Variants in MAF observed in about 807,000 individuals in gnomAD.
MAF encodes MAF bZIP transcription factor, also known as transcription factor Maf.
In MAF, 10 loss-of-function variants were observed where a neutral mutation model predicts 22.0. That is an observed-to-expected ratio of 0.45 (90% CI 0.28 to 0.77). The LOEUF is 0.77. MAF is among the 30% of genes least tolerant of loss of function. The pLI is 0.12. For missense variants in MAF, 544 were observed against 548.4 expected, an observed-to-expected ratio of 0.99 and a Z score of 0.08; for synonymous variants, 337 against 255.8, an observed-to-expected ratio of 1.32 and a Z score of -3.03.
chr16:79,565,982 G>C, the MAF span, among the ~76,000 whole-genome samples: 1 of 152,134 alleles, frequency 6.6e-6, no homozygotes, highest in Non-Finnish European at 1.5e-5. Context: ...GCAGACTCTA[G>C]GCCATGCACA....
chr16:79,211,195 A>G, the MAF span, among the ~76,000 whole-genome samples: 1 of 152,168 alleles, frequency 6.6e-6, no homozygotes, highest in Non-Finnish European at 1.5e-5. Flanking sequence ...GGTTTGTCAG[A>G]CAGAAGGTTC....
chr16:79,306,086 C>T, the MAF span, among the ~76,000 whole-genome samples: 1 of 152,142 alleles, frequency 6.6e-6, no homozygotes. Context: ...CCAAAGGAGG[C>T]TGGAAAAGGT....
the MAF span, among the ~76,000 whole-genome samples, chr16:79,279,357 G>A: frequency 1.3e-5 from 2 of 152,186 alleles, no homozygotes; most frequent in Non-Finnish European, 2.9e-5. Context: ...GAGAAAATGG[G>A]GCTGAAAGTT....
the MAF span, chr16:79,206,668 C>T: frequency 1.3e-5 from 2 of 152,096 alleles, no homozygotes; most frequent in African/African-American, 4.8e-5. Context: ...CATCTCTGTT[C>T]TCGTCTGCTG....
the MAF span, among the ~76,000 whole-genome samples, chr16:79,264,959 G>C: frequency 6.6e-6 from 1 of 152,156 alleles, no homozygotes; most frequent in Non-Finnish European, 1.5e-5. Flanking sequence ...AAGGGAAGCT[G>C]TGGGAACCAG....
At chr16:79,458,371 G>C in the MAF span, among the ~76,000 whole-genome samples, 1 of 152,158 alleles carries the variant, frequency 6.6e-6, no homozygotes, top group African/African-American at 2.4e-5. Flanking sequence ...ACCAACAGAA[G>C]ACTACTTTGC....
chr16:79,265,898 T>G, the MAF span, among the ~76,000 whole-genome samples: 1 of 152,220 alleles, frequency 6.6e-6, no homozygotes, highest in Non-Finnish European at 1.5e-5. Context: ...AGCTGATGAC[T>G]GAGATGGCTG....
chr16:79,431,125 T>A, the MAF span, among the ~76,000 whole-genome samples: 1 of 152,170 alleles, frequency 6.6e-6, no homozygotes, highest in Non-Finnish European at 1.5e-5. Flanking sequence ...GGTACACAGC[T>A]TGGGGATTCA....
chr16:79,212,281 C>A, the MAF span: 2 of 1,171,098 alleles, frequency 1.7e-6, no homozygotes, highest in Non-Finnish European at 2.3e-6. Flanking sequence ...CTGACCAAGA[C>A]TGAGCCAGCT....
At chr16:79,337,154 T>C in the MAF span, among the ~76,000 whole-genome samples, 1 of 152,170 alleles carries the variant, frequency 6.6e-6, no homozygotes, top group African/African-American at 2.4e-5. Context: ...GACGAGTGAG[T>C]GGGTCATAGG....
At chr16:79,484,557 C>T in the MAF span, among the ~76,000 whole-genome samples, 1 of 152,178 alleles carries the variant, frequency 6.6e-6, no homozygotes, top group Non-Finnish European at 1.5e-5. Context: ...GGGCTCAGCC[C>T]TTCACTTTAA....
At chr16:79,267,682 C>G in the MAF span, among the ~76,000 whole-genome samples, 2 of 152,198 alleles carry the variant, frequency 1.3e-5, no homozygotes, top group African/African-American at 2.4e-5. Flanking sequence ...TTGTGAGCCT[C>G]TACCTCCTCT....
At chr16:79,277,082 G>C in the MAF span, among the ~76,000 whole-genome samples, 1 of 152,076 alleles carries the variant, frequency 6.6e-6, no homozygotes, top group African/African-American at 2.4e-5. Context: ...CTGTGCCCCA[G>C]GCTGGAGAGC....
At chr16:79,574,096 G>C in the MAF span, among the ~76,000 whole-genome samples, 1 of 152,218 alleles carries the variant, frequency 6.6e-6, no homozygotes, top group Admixed American at 6.5e-5. Context: ...CGCTCACAGA[G>C]TTTAGCGTCC....
At chr16:79,227,089 G>C in the MAF span, among the ~76,000 whole-genome samples, 2 of 152,058 alleles carry the variant, frequency 1.3e-5, no homozygotes, top group Non-Finnish European at 2.9e-5. Context: ...GTTAATCCCA[G>C]CCCTTTGGCA....
the MAF span, among the ~76,000 whole-genome samples, chr16:79,213,286 G>T: frequency 2.0e-5 from 3 of 148,184 alleles, no homozygotes; most frequent in East Asian, 5.8e-4. Context: ...CATCTGTGGT[G>T]CAGAGCAGTC....
downstream of MAF, among the ~76,000 whole-genome samples, chr16:79,593,619 G>A (rs1487292837): frequency 6.6e-6 from 1 of 152,246 alleles, no homozygotes. Flanking sequence ...AGACAGTGAG[G>A]AAATGATGTC....
At chr16:79,450,410 A>G in the MAF span, among the ~76,000 whole-genome samples, 1 of 152,222 alleles carries the variant, frequency 6.6e-6, no homozygotes, top group Admixed American at 6.5e-5. Flanking sequence ...AAGAATTCCA[A>G]GTGTTAGACA....
the MAF span, among the ~76,000 whole-genome samples, chr16:79,471,385 C>T: frequency 6.6e-6 from 1 of 152,212 alleles, no homozygotes; most frequent in South Asian, 2.1e-4. Flanking sequence ...AGGCAGAGCA[C>T]AATGGCTCAT....
Sources: gnomAD v4.1 joint callset for allele counts (sites outside exome capture counted in the v4.1 genomes callset) on GRCh38, gnomAD v4.1.1 for gene constraint, MANE v1.5 for transcripts, NCBI Gene and HGNC (gene_info 2026-07-23, HGNC 2026-07-21) for gene names.